Variants in POLE2 observed in about 807,000 individuals in gnomAD.
The protein encoded by POLE2 is DNA polymerase epsilon 2, accessory subunit, also known as DNA polymerase epsilon subunit 2.
Under a neutral mutation model 79.4 loss-of-function variants are expected in POLE2, and 56 were observed. The observed-to-expected ratio is 0.71, with a 90% CI of 0.57 to 0.88. The LOEUF (loss-of-function observed/expected upper bound fraction) is 0.88, where lower values mean the gene tolerates loss of function less well. Among genes scored for constraint, POLE2 ranks in the 40% least tolerant of loss-of-function variants. The pLI is 0.00. For synonymous variants in POLE2, 212 were observed against 214.0 expected (o/e 0.99, Z 0.08); for missense variants, 598 against 638.9 (o/e 0.94, Z 0.69).
intron 2 of POLE2, among the ~76,000 whole-genome samples, chr14:49,680,852 C>G (rs45589231): frequency 0.021 from 3,206 of 151,602 alleles, 50 homozygotes; most frequent in South Asian, 0.033. Flanking sequence ...AGGATGGTCT[C>G]GATCTCCTGA....
At chr14:49,651,164 C>A in intron 16 of POLE2, 105 bp downstream of exon 16, 1 of 553,782 alleles carries the variant, frequency 1.8e-6, no homozygotes. Flanking sequence ...CTATTTTGAA[C>A]CATAAATAAA....
intron 8 of POLE2, 110 bp downstream of exon 8, chr14:49,664,997 T>C (rs926587711): frequency 5.9e-6 from 4 of 678,038 alleles, no homozygotes; most frequent in South Asian, 1.7e-5. Flanking sequence ...ACCAGCAACA[T>C]AGAGAAGTTA....
At chr14:49,677,406 G>C (rs906969541) in intron 3 of POLE2, 57 of 480,790 alleles carry the variant, frequency 1.2e-4, no homozygotes, top group Non-Finnish European at 2.1e-4. Flanking sequence ...CATGCCAAGG[G>C]TTAGGCCCAC....
At chr14:49,674,559 C>CTTTTA in intron 3 of POLE2, 132 bp from the exon 4 acceptor site, 2 of 602,356 alleles carry the variant, frequency 3.3e-6, no homozygotes, top group South Asian at 2.2e-5. Flanking sequence ...CACACAATTT[C>CTTTTA]TTTTTCTTTT....
chr14:49,685,702 T>C (rs1246286858), intron 1 of POLE2, among the ~76,000 whole-genome samples: 3 of 152,112 alleles, frequency 2.0e-5, no homozygotes, highest in Admixed American at 1.3e-4. Flanking sequence ...CACTGCAACC[T>C]TCACCTCCCG....
In POLE2 at chr14:49,677,241, G is replaced by T. The variant is rs114511147; in HGVS notation, c.245+2484C>A. 1,068 of 730,768 alleles carry T rather than the reference G, an allele frequency of 1.5e-3. 8 individuals carry two copies. In the African/African-American group the frequency reaches 0.017, roughly 11 times the overall value. The allele number at this position is 730,768 out of a possible 1,614,324, so 45.3% of individuals were successfully genotyped here. A position where few individuals can be genotyped will look rare whatever the true frequency, so the allele number is the denominator to read the frequency against. ...ACCTCACGGCTTACTGTCTGAGGGA[G>T]TAGGGTGCTAAGCATGAGGCCCAGC... On this transcript the variant is annotated intron_variant, in intron 3 of 18. Coordinates refer to ENST00000216367, the MANE Select transcript of POLE2 (RefSeq NM_002692.4).
intron 2 of POLE2, among the ~76,000 whole-genome samples, 195 bp from the exon 3 acceptor site, chr14:49,679,995 A>G (rs1886584793): frequency 6.6e-6 from 1 of 152,166 alleles, no homozygotes; most frequent in Admixed American, 6.5e-5. Context: ...TCCACACTCA[A>G]AGTTACAATA....
At chr14:49,658,380 TGG>T (rs1019302721) in intron 10 of POLE2, among the ~76,000 whole-genome samples, 99 of 152,272 alleles carry the variant, frequency 6.5e-4, no homozygotes, top group African/African-American at 2.3e-3. Context: ...CCGGCCCCTC[TGG>T]TCATCTCTTA....
intron 1 of POLE2, 98 bp downstream of exon 1, chr14:49,688,038 G>C (rs890702791): frequency 6.8e-6 from 7 of 1,022,288 alleles, no homozygotes; most frequent in East Asian, 2.8e-5. Flanking sequence ...GCCCCCTCTC[G>C]GCGCGCGGGG....
At chr14:49,668,795 A>G (rs1210601787) in intron 6 of POLE2, among the ~76,000 whole-genome samples, 4 of 152,030 alleles carry the variant, frequency 2.6e-5, no homozygotes, top group African/African-American at 9.7e-5. Context: ...TTTATACTCT[A>G]ATAAAAGTTT....
rs1218360000 is a variant in POLE2, at chr14:49,650,514, AAATT to A, written c.1321-77_1321-74del. The stretch of plus-strand genomic sequence containing the variant: ...TGAAAATAGCTAAACAAATAATTTC[AAATT>A]AAATATTAATTACCAAAAGGAACCA... On this transcript the variant is annotated intron_variant, in intron 16 of 18. Transcript: ENST00000216367. The A allele has an allele frequency of 7.9e-6, 8 of 1,010,696 alleles. No homozygotes were observed. The Admixed American group carries it at 2.4e-4, about 30-fold the overall frequency. 62.6% of individuals were successfully genotyped at this position (1,010,696 alleles called of 1,614,324 possible).
intron 15 of POLE2, 174 bp from the exon 16 acceptor site, chr14:49,651,551 A>C (rs1234374631): frequency 1.2e-5 from 5 of 426,514 alleles, no homozygotes; most frequent in Middle Eastern, 6.2e-4. Flanking sequence ...TGAGCTCTTA[A>C]TATATGCCTA....
intron 6 of POLE2, 132 bp downstream of exon 6, chr14:49,669,392 A>C: frequency 1.7e-6 from 1 of 594,460 alleles, no homozygotes; most frequent in African/African-American, 1.9e-5. Flanking sequence ...AAAAGTGGGC[A>C]TGCAGCCCAT....
intron 10 of POLE2, among the ~76,000 whole-genome samples, chr14:49,658,003 C>G (rs1367159125): frequency 6.6e-6 from 1 of 151,960 alleles, no homozygotes; most frequent in African/African-American, 2.4e-5. Context: ...CCTCCCCACA[C>G]AAAACTGGCC....
intron 3 of POLE2, 116 bp from the exon 4 acceptor site, chr14:49,674,543 G>T: frequency 1.5e-6 from 1 of 680,384 alleles, no homozygotes. Flanking sequence ...ATTTTCTCAG[G>T]CCAGGCACAC....
intron 10 of POLE2, among the ~76,000 whole-genome samples, chr14:49,661,262 T>C (rs2139641449): frequency 6.6e-6 from 1 of 152,258 alleles, no homozygotes; most frequent in East Asian, 1.9e-4. Context: ...CTAGAAGGAA[T>C]ACAAGTGATA....
chr14:49,655,458 A>AACACACACACACACAC lies in POLE2; in HGVS notation c.928+197_928+212dup, dbSNP rs35575577. Among the ~76,000 whole-genome samples, 455 of 143,478 alleles carry AACACACACACACACAC rather than the reference A, an allele frequency of 3.2e-3. 1 individual carries two copies. The highest frequency in any genetic ancestry group is 0.011 in the African/African-American group (432 of 39,198). 94.1% of individuals were successfully genotyped at this position (143,478 alleles called of 152,430 possible). A position where few individuals can be genotyped will look rare whatever the true frequency, so the allele number is the denominator to read the frequency against. On this transcript the variant is annotated intron_variant, in intron 11 of 18. Transcript: ENST00000216367. ...CTAATTCTTACTTATCATGACTATA[A>AACACACACACACACAC]ACACACACACACACACACACACACA...
At chr14:49,649,424 G>A (rs946026988) in intron 17 of POLE2, among the ~76,000 whole-genome samples, 2 of 150,118 alleles carry the variant, frequency 1.3e-5, no homozygotes. Context: ...GGGATTACAG[G>A]CGTGAGCCAC....
chr14:49,679,015 A>AT lies in POLE2; in HGVS notation c.245+709dup, dbSNP rs201207906. On this transcript the variant is annotated intron_variant, in intron 3 of 18. Coordinates refer to ENST00000216367, the MANE Select transcript of POLE2 (RefSeq NM_002692.4). ...AAAATTAAAAATCCTCAATTTCTCT[A>AT]TTTTTTTTTTAGCAGTTATAAGTTC... Among the ~76,000 whole-genome samples the AT allele has an allele frequency of 2.2e-3, 322 of 148,932 alleles. 1 individual carries two copies. Among genetic ancestry groups the AT allele is most frequent in the Admixed American group, 4.8e-3 (72 of 14,884 alleles).
Sources: allele counts gnomAD v4.1 joint callset (sites outside exome capture counted in the v4.1 genomes callset), GRCh38; gene constraint gnomAD v4.1.1; transcripts MANE v1.5; gene names NCBI Gene and HGNC (gene_info 2026-07-23, HGNC 2026-07-21).